TMCO4: variants seen among roughly 807,000 people sequenced by gnomAD.
The protein encoded by TMCO4 is transmembrane and coiled-coil domains 4, also known as transmembrane and coiled-coil domain-containing protein 4.
A neutral mutation model predicts 64.7 loss-of-function variants in TMCO4; 58 were observed. That is an observed-to-expected ratio of 0.90 (90% confidence interval 0.73 to 1.12). The LOEUF (loss-of-function observed/expected upper bound fraction) is 1.12. TMCO4 is among the 50% of genes most tolerant of loss of function. The pLI is 0.00. For synonymous variants in TMCO4, 325 were observed against 346.1 expected (o/e 0.94, Z 0.68); for missense variants, 780 against 825.9 (o/e 0.94, Z 0.68).
chr1:19,770,539 T>TA lies in TMCO4; in HGVS notation c.382+2dup. On this transcript the variant is annotated splice_region_variant and intron_variant, in intron 6 of 15. Coordinates refer to ENST00000294543, the MANE Select transcript of TMCO4 (RefSeq NM_181719.7). ...ATTTACAGAGCTTAGAAAATCAACT[T>TA]ACCATCCTTGAGTGAGAAGCTCAGA... is the stretch of plus-strand genomic sequence containing the variant. 1 of 1,613,780 alleles carries TA rather than the reference T, an allele frequency of 6.2e-7. No individual in the cohort carries two copies. Among genetic ancestry groups the TA allele is most frequent in the Non-Finnish European group, 8.5e-7 (1 of 1,179,814 alleles).
intron 6 of TMCO4, among the ~76,000 whole-genome samples, chr1:19,769,552 G>C (rs758364399): frequency 2.0e-5 from 3 of 152,174 alleles, no homozygotes; most frequent in Non-Finnish European, 4.4e-5. Context: ...CCTATTACAG[G>C]GTTTGGAGGA....
chr1:19,737,335 T>G (rs773759367), intron 13 of TMCO4, 37 bp downstream of exon 13: 12 of 1,591,616 alleles, frequency 7.5e-6, no homozygotes, highest in Non-Finnish European at 1.0e-5. Flanking sequence ...AACAAGCTTG[T>G]GAAGGGTTTC....
At position 19,698,793 on chromosome 1, in the gene TMCO4, T is replaced by G. The variant is rs970706407; in HGVS notation, c.1382+1975A>C. On this transcript the variant is annotated intron_variant, in intron 14 of 15. Transcript: ENST00000294543. ...CACAAAATAATTGAAAACCAAGTTA[T>G]GTACCTCAGGTTCTCAACAGAACAG... 5.9e-5 allele frequency among the ~76,000 whole-genome samples: 9 copies of G among 152,368 alleles called. No homozygotes were observed. The East Asian group carries it at 1.7e-3, about 29-fold the overall frequency.
chr1:19,754,420 C>T (rs1257402970), intron 7 of TMCO4, among the ~76,000 whole-genome samples: 2 of 152,286 alleles, frequency 1.3e-5, no homozygotes, highest in Admixed American at 6.5e-5. Flanking sequence ...GTTATTTCAA[C>T]AAACCAAGTT....
chr1:19,722,493 A>C (rs557687077), intron 13 of TMCO4, among the ~76,000 whole-genome samples: 1 of 152,338 alleles, frequency 6.6e-6, no homozygotes, highest in South Asian at 2.1e-4. Flanking sequence ...CTACATTAAT[A>C]ATAAGGAAAA....
intron 15 of TMCO4, among the ~76,000 whole-genome samples, chr1:19,686,006 C>T (rs368596308): frequency 3.3e-5 from 5 of 152,152 alleles, no homozygotes; most frequent in South Asian, 2.1e-4. Flanking sequence ...GGATTACAGG[C>T]GTGAGCCACT....
At chr1:19,799,238 C>T (rs1278667021) in intron 1 of TMCO4, 3 of 152,430 alleles carry the variant, frequency 2.0e-5, no homozygotes, top group African/African-American at 7.2e-5. Context: ...TAATTCTTCC[C>T]TCCTGTAACT....
At chr1:19,740,103 A>G (rs547648652) in intron 11 of TMCO4, 143 bp from the exon 12 acceptor site, 1 of 979,272 alleles carries the variant, frequency 1.0e-6, no homozygotes, top group East Asian at 2.8e-5. Flanking sequence ...GCTAAAGAAC[A>G]AAGAAATCCG....
chr1:19,718,353 A>C (rs2095366283), intron 13 of TMCO4, among the ~76,000 whole-genome samples: 1 of 151,034 alleles, frequency 6.6e-6, no homozygotes, highest in Admixed American at 6.6e-5. Context: ...TAAATAAATA[A>C]ATAATAAAAA....
At chr1:19,767,462 C>A (rs565471781) in intron 6 of TMCO4, among the ~76,000 whole-genome samples, 1 of 152,102 alleles carries the variant, frequency 6.6e-6, no homozygotes, top group Admixed American at 6.6e-5. Flanking sequence ...TGTTTTAAAC[C>A]CACTCAATTC....
At chr1:19,736,186 G>T (rs1030936853) in intron 13 of TMCO4, among the ~76,000 whole-genome samples, 17 of 152,224 alleles carry the variant, frequency 1.1e-4, no homozygotes, top group African/African-American at 4.1e-4. Flanking sequence ...GGAGGGCAAA[G>T]GAGAAGTAAA....
rs558500176 is a variant in TMCO4, at chr1:19,751,231, G to A, written c.516-3971C>T. On this transcript the variant is annotated intron_variant, in intron 7 of 15. Coordinates refer to ENST00000294543, the MANE Select transcript of TMCO4 (RefSeq NM_181719.7). ...GAATTGGAGGTGACCACCTTGCTGCGGTGATATACTCCCCTACTCACTGTC... is the reference window on the plus strand; with the variant it reads ...GAATTGGAGGTGACCACCTTGCTGCAGTGATATACTCCCCTACTCACTGTC... Among the ~76,000 whole-genome samples, 14 of 152,282 alleles carry A rather than the reference G, an allele frequency of 9.2e-5. 1 individual carries two copies. The highest frequency in any genetic ancestry group is 4.6e-4 in the Admixed American group (7 of 15,294).
At chr1:19,764,171 C>T (rs1392763366) in intron 6 of TMCO4, among the ~76,000 whole-genome samples, 1 of 152,224 alleles carries the variant, frequency 6.6e-6, no homozygotes, top group East Asian at 1.9e-4. Context: ...TTAAAGTCAG[C>T]TTCAGGGGTG....
rs542222234 is a variant in TMCO4 at position 19,733,960 on chromosome 1, A to G, written c.1264+3412T>C. On this transcript the variant is annotated intron_variant, in intron 13 of 15. Transcript: ENST00000294543. ...GTACCTACTTCACAGAGCTGTTGGA[A>G]GGACTCCATGAAATAATACATATGA... Among the ~76,000 whole-genome samples, 216 of 152,246 alleles carry G rather than the reference A, an allele frequency of 1.4e-3. 1 individual carries two copies. Among genetic ancestry groups the G allele is most frequent in the Non-Finnish European group, 2.7e-3 (186 of 68,042 alleles).
chr1:19,769,139 G>A (rs2042873241), intron 6 of TMCO4, among the ~76,000 whole-genome samples: 1 of 152,036 alleles, frequency 6.6e-6, no homozygotes, highest in Non-Finnish European at 1.5e-5. Context: ...GCCCTGAAAG[G>A]GTCACTGGAG....
chr1:19,765,062 C>G (rs1002455272), intron 6 of TMCO4, among the ~76,000 whole-genome samples: 3 of 152,050 alleles, frequency 2.0e-5, no homozygotes, highest in Non-Finnish European at 2.9e-5. Flanking sequence ...TCCTGCAGTT[C>G]CAGGGCCTAG....
rs113137033 is a variant in TMCO4, at chr1:19,742,308, G to A, written c.878-1367C>T. Among the ~76,000 whole-genome samples, 150 of 152,336 alleles carry A rather than the reference G, an allele frequency of 9.8e-4. 3 individuals carry two copies. Among genetic ancestry groups the A allele is most frequent in the African/African-American group, 3.5e-3 (146 of 41,590 alleles). ...CCTCTCCTACAGTCTGCTTTGCCAA[G>A]CACTGTATTCCCAAAGCCTGGTGAT... On this transcript the variant is annotated intron_variant, in intron 10 of 15. Coordinates refer to ENST00000294543, the MANE Select transcript of TMCO4 (RefSeq NM_181719.7).
chr1:19,695,128 G>A (rs930290613), intron 14 of TMCO4, among the ~76,000 whole-genome samples: 16 of 152,174 alleles, frequency 1.1e-4, no homozygotes, highest in African/African-American at 2.9e-4. Context: ...CAGAGGAGGC[G>A]AGGGTGGTTG....
chr1:19,700,793 C>A lies in TMCO4; in HGVS notation c.1357G>T (p.Gly453Trp), dbSNP rs186441685. 1 of 1,614,088 alleles carries A rather than the reference C, an allele frequency of 6.2e-7. No individual in the cohort carries two copies. The highest frequency in any genetic ancestry group is 1.3e-5 in the African/African-American group (1 of 74,940). ...HWEPFRKVVSGRIINGYCRGD... is the reference protein window; with the variant it reads ...HWEPFRKVVSWRIINGYCRGD... ...CTGCAGTAGCCGTTGATGATCCTCCCGGACACCACCTTCCGGAAAGGCTCC... is the reference window on the plus strand; with the variant it reads ...CTGCAGTAGCCGTTGATGATCCTCCAGGACACCACCTTCCGGAAAGGCTCC... Residue 453 changes from glycine (G) to tryptophan (W), a missense_variant, in exon 14 of 16, where the codon GGG (glycine) becomes TGG (tryptophan). Transcript: ENST00000294543.
Sources: allele counts gnomAD v4.1 joint callset (sites outside exome capture counted in the v4.1 genomes callset), GRCh38; gene constraint gnomAD v4.1.1; transcripts MANE v1.5; gene names NCBI Gene and HGNC (gene_info 2026-07-23, HGNC 2026-07-21).